Variants in POT1 observed in about 807,000 individuals in gnomAD.
POT1 encodes protection of telomeres protein 1.
A neutral mutation model predicts 78.5 loss-of-function variants in POT1; 47 were observed. The ratio of observed to expected loss-of-function variants is 0.60; its 90% CI spans 0.47 to 0.76. The LOEUF (loss-of-function observed/expected upper bound fraction) is 0.76. Among genes scored for constraint, POT1 ranks in the 30% least tolerant of loss-of-function variants. The probability of loss-of-function intolerance (pLI) is 0.00; values close to 1 mark genes in which losing one functional copy is unlikely to be tolerated. For synonymous variants in POT1, 259 were observed against 260.7 expected (o/e 0.99, Z 0.06); for missense variants, 646 against 749.9 (o/e 0.86, Z 1.62).
chr7:124,837,177 CT>C, intron 14 of POT1: 1 of 284,670 alleles, frequency 3.5e-6, no homozygotes, highest in Non-Finnish European at 6.9e-6. Flanking sequence ...TCAGTTTCCT[CT>C]TCTGTTTACA....
At chr7:124,841,205 G>T in intron 13 of POT1, 27 bp from the exon 14 acceptor site, 1 of 1,575,282 alleles carries the variant, frequency 6.3e-7, no homozygotes, top group Non-Finnish European at 8.7e-7. Flanking sequence ...TGAAATGATA[G>T]AAATCGATTT....
intron 7 of POT1, among the ~76,000 whole-genome samples, chr7:124,867,064 AAC>A (rs1335985548): frequency 3.9e-5 from 6 of 152,176 alleles, no homozygotes; most frequent in Non-Finnish European, 5.9e-5. Context: ...TCTGCTGATT[AAC>A]ATAGTAAACC....
chr7:124,882,270 C>T (rs1456779007), intron 6 of POT1, among the ~76,000 whole-genome samples: 1 of 151,968 alleles, frequency 6.6e-6, no homozygotes, highest in Non-Finnish European at 1.5e-5. Flanking sequence ...AGTATTTGAG[C>T]AACACTATTC....
chr7:124,843,546 A>T (rs1445367394), intron 12 of POT1, among the ~76,000 whole-genome samples: 1 of 152,066 alleles, frequency 6.6e-6, no homozygotes, highest in Non-Finnish European at 1.5e-5. Context: ...AATAAGAGGA[A>T]GTTGAGTCAA....
chr7:124,826,244 G>C (rs1232905844), intron 17 of POT1, among the ~76,000 whole-genome samples: 1 of 152,140 alleles, frequency 6.6e-6, no homozygotes, highest in Non-Finnish European at 1.5e-5. Context: ...CTGTTGCAGG[G>C]AAAGTAACAG....
chr7:124,840,537 C>G (rs1795001655), intron 14 of POT1: 1 of 152,062 alleles, frequency 6.6e-6, no homozygotes, highest in Non-Finnish European at 1.5e-5. Context: ...TAAAACTTGT[C>G]AAGTTATCTT....
chr7:124,859,778 T>C (rs1204762309), intron 8 of POT1, among the ~76,000 whole-genome samples: 2 of 149,142 alleles, frequency 1.3e-5, no homozygotes, highest in Non-Finnish European at 3.0e-5. Flanking sequence ...ACCAATACTG[T>C]AGATATTAAA....
Position 124,835,483 on chromosome 7 carries a change from TAAC to T in POT1, c.1370-72_1370-70del, listed in dbSNP as rs1219605991. The T allele has an allele frequency of 3.3e-6, 5 of 1,505,372 alleles. No individual in the cohort carries two copies. In the African/African-American group the frequency reaches 7.0e-5, roughly 21 times the overall value. The allele number at this position is 1,505,372 out of a possible 1,614,324, so 93.3% of individuals were successfully genotyped here. The stretch of plus-strand genomic sequence containing the variant: ...TGTAGACAAGTACAGTCCTATTAAA[TAAC>T]GTGTGAGGTATAATAAAAGACTAAA... On this transcript the variant is annotated intron_variant, in intron 14 of 18. Transcript: ENST00000357628.
chr7:124,867,634 T>TA (rs200466912), intron 7 of POT1, among the ~76,000 whole-genome samples: 2 of 151,818 alleles, frequency 1.3e-5, no homozygotes, highest in Non-Finnish European at 2.9e-5. Context: ...GCTTTATTAT[T>TA]TTTATTTATT....
chr7:124,873,927 G>A (rs1273770921), intron 6 of POT1, among the ~76,000 whole-genome samples: 1 of 152,194 alleles, frequency 6.6e-6, no homozygotes, highest in African/African-American at 2.4e-5. Flanking sequence ...GGTGGCTACA[G>A]TGAAGATGGG....
chr7:124,895,663 G>A lies in POT1; in HGVS notation c.9+1502C>T, dbSNP rs542037061. On this transcript the variant is annotated intron_variant, in intron 5 of 18. Coordinates refer to ENST00000357628, the MANE Select transcript of POT1 (RefSeq NM_015450.3). ...CAATGGAAGAACAAACCATAAAAGC[G>A]GAGAGATGTCTTAGAATTGTCTTAG... Among the ~76,000 whole-genome samples the A allele has an allele frequency of 2.1e-4, 32 of 151,748 alleles. No homozygotes were observed. In the South Asian group the frequency reaches 5.0e-3, roughly 24 times the overall value.
At chr7:124,839,259 G>A (rs2116456089) in intron 14 of POT1, among the ~76,000 whole-genome samples, 2 of 152,292 alleles carry the variant, frequency 1.3e-5, no homozygotes, top group Middle Eastern at 6.8e-3. Flanking sequence ...TCTGGACACA[G>A]ATCTTAGAGC....
At chr7:124,888,403 C>A (rs1402903794) in intron 6 of POT1, among the ~76,000 whole-genome samples, 1 of 151,996 alleles carries the variant, frequency 6.6e-6, no homozygotes, top group Non-Finnish European at 1.5e-5. Flanking sequence ...AAGAGAGAAG[C>A]CTCCAGGTTT....
chr7:124,909,930 T>C (rs910613412), intron 3 of POT1, among the ~76,000 whole-genome samples: 6 of 151,990 alleles, frequency 3.9e-5, no homozygotes, highest in African/African-American at 9.7e-5. Flanking sequence ...TTCGATAGCA[T>C]GTATTTATTT....
Position 124,842,873 on chromosome 7 carries a change from A to G in POT1, c.1097T>C (p.Leu366Ser), listed in dbSNP as rs1554420620. ...TAGTCTTCTGGGCTTATATGACCTCAATTTTGCTCGGATGCGGTATTGTTG... is the reference window on the plus strand; with the variant it reads ...TAGTCTTCTGGGCTTATATGACCTCGATTTTGCTCGGATGCGGTATTGTTG... ...APQQYRIRAKLRSYKPRRLFQ... is the reference protein window; with the variant it reads ...APQQYRIRAKSRSYKPRRLFQ... Residue 366 changes from leucine to serine, a missense_variant, in exon 13 of 19, where the codon TTG becomes TCG. By Grantham distance (145) the Leu-to-Ser change is moderately radical (BLOSUM62 -2). Transcript: ENST00000357628. 1 of 1,611,402 alleles carries G rather than the reference A, an allele frequency of 6.2e-7. No individual in the cohort carries two copies. The highest frequency in any genetic ancestry group is 1.3e-5 in the African/African-American group (1 of 74,904).
intron 11 of POT1, 37 bp from the exon 12 acceptor site, chr7:124,847,035 A>C: frequency 2.1e-6 from 3 of 1,412,020 alleles, no homozygotes; most frequent in Non-Finnish European, 3.0e-6. Context: ...TAAGTCCATT[A>C]CAACTTCATT....
intron 5 of POT1, among the ~76,000 whole-genome samples, chr7:124,892,996 T>C (rs1012713358): frequency 2.0e-5 from 3 of 151,550 alleles, no homozygotes; most frequent in Non-Finnish European, 3.0e-5. Flanking sequence ...ACTAGAACAC[T>C]AGTCTTAACA....
intron 6 of POT1, among the ~76,000 whole-genome samples, chr7:124,884,098 C>T (rs959663221): frequency 7.2e-5 from 11 of 152,038 alleles, no homozygotes; most frequent in African/African-American, 2.7e-4. Context: ...ATTGCTAACA[C>T]AAAACCAAAA....
At chr7:124,877,589 C>T (rs958056663) in intron 6 of POT1, among the ~76,000 whole-genome samples, 6 of 151,606 alleles carry the variant, frequency 4.0e-5, no homozygotes, top group African/African-American at 4.8e-5. Flanking sequence ...GTAATCCCAC[C>T]GCTTAGGTCG....
Sources: gnomAD v4.1 joint callset for allele counts (sites outside exome capture counted in the v4.1 genomes callset) on GRCh38, gnomAD v4.1.1 for gene constraint, MANE v1.5 for transcripts, NCBI Gene and HGNC (gene_info 2026-07-23, HGNC 2026-07-21) for gene names.